FAM174A: variants seen among roughly 807,000 people sequenced by gnomAD.
FAM174A encodes membrane protein FAM174A.
In FAM174A, 14 loss-of-function variants were observed where a neutral mutation model predicts 14.3. The ratio of observed to expected loss-of-function variants is 0.98; its 90% CI spans 0.65 to 1.53. FAM174A has a LOEUF of 1.53. Among genes scored for constraint, FAM174A ranks in the 40% most tolerant of loss-of-function variants. The pLI is 0.00. For synonymous variants in FAM174A, 108 were observed against 111.4 expected, an observed-to-expected ratio of 0.97 and a Z score of 0.19; for missense variants, 241 against 249.6, an observed-to-expected ratio of 0.97 and a Z score of 0.23.
intron 2 of FAM174A, among the ~76,000 whole-genome samples, chr5:100,568,381 G>A (rs895045335): frequency 1.3e-5 from 2 of 151,728 alleles, no homozygotes; most frequent in African/African-American, 4.8e-5. Flanking sequence ...TCTTTGAATG[G>A]GCACTAGGTA....
chr5:100,583,814 T>C (rs1010500499), intron 2 of FAM174A, among the ~76,000 whole-genome samples: 3 of 152,210 alleles, frequency 2.0e-5, no homozygotes, highest in Non-Finnish European at 4.4e-5. Context: ...TTCAATGGTA[T>C]ATTCCTTCTA....
chr5:100,559,455 T>C (rs947613914), intron 1 of FAM174A, among the ~76,000 whole-genome samples: 2 of 152,094 alleles, frequency 1.3e-5, no homozygotes, highest in Non-Finnish European at 2.9e-5. Flanking sequence ...TGTGGCGTTC[T>C]CTGTATTTCC....
chr5:100,559,361 G>A (rs1407580998), intron 1 of FAM174A, among the ~76,000 whole-genome samples: 1 of 152,128 alleles, frequency 6.6e-6, no homozygotes, highest in East Asian at 1.9e-4. Context: ...TTCTCTGGCT[G>A]TGCTTAACAT....
intron 2 of FAM174A, among the ~76,000 whole-genome samples, chr5:100,584,696 TAAA>T (rs1214978207): frequency 6.6e-6 from 1 of 152,158 alleles, no homozygotes; most frequent in African/African-American, 2.4e-5. Flanking sequence ...CAATATGAGA[TAAA>T]AAAGTTATTT....
chr5:100,582,734 C>T (rs930650501), intron 2 of FAM174A, among the ~76,000 whole-genome samples: 2 of 151,862 alleles, frequency 1.3e-5, no homozygotes, highest in African/African-American at 2.4e-5. Flanking sequence ...TTTTTGTTAC[C>T]GTATTATAAA....
At chr5:100,575,022 T>G (rs190326) in intron 2 of FAM174A, among the ~76,000 whole-genome samples, 1 of 151,932 alleles carries the variant, frequency 6.6e-6, no homozygotes, top group Admixed American at 6.6e-5. Context: ...CAAATGACTT[T>G]GTCTGCAATA....
intron 2 of FAM174A, among the ~76,000 whole-genome samples, chr5:100,585,792 T>C (rs1239297496): frequency 6.6e-6 from 1 of 152,180 alleles, no homozygotes; most frequent in Non-Finnish European, 1.5e-5. Context: ...CTTTAGAATA[T>C]ATTTATTGAA....
intron 1 of FAM174A, among the ~76,000 whole-genome samples, chr5:100,540,998 G>A (rs1746038479): frequency 6.6e-6 from 1 of 152,168 alleles, no homozygotes; most frequent in African/African-American, 2.4e-5. Context: ...CACATCAATA[G>A]CCATTTGCTT....
chr5:100,558,708 C>A (rs1221441922), intron 1 of FAM174A, among the ~76,000 whole-genome samples: 2 of 152,008 alleles, frequency 1.3e-5, no homozygotes, highest in South Asian at 2.1e-4. Flanking sequence ...TTCTTTGTCT[C>A]TTTTGATCTT....
intron 1 of FAM174A, among the ~76,000 whole-genome samples, chr5:100,561,259 G>A (rs1746516422): frequency 6.6e-6 from 1 of 152,082 alleles, no homozygotes; most frequent in African/African-American, 2.4e-5. Flanking sequence ...CTCTAAGCCA[G>A]TGGTTCTCAA....
intron 1 of FAM174A, among the ~76,000 whole-genome samples, chr5:100,552,176 C>G (rs1025285382): frequency 3.9e-5 from 6 of 152,020 alleles, no homozygotes; most frequent in African/African-American, 9.7e-5. Flanking sequence ...GGTTGGACTT[C>G]CTGATGAAAA....
At position 100,586,174 on chromosome 5, in the gene FAM174A, C is replaced by A; in HGVS notation, c.570-7C>A. 1.5e-6 allele frequency: 2 copies of A among 1,375,118 alleles called. No individual in the cohort carries two copies. The highest frequency in any genetic ancestry group is 1.9e-4 in the Middle Eastern group (1 of 5,354). The allele number at this position is 1,375,118 out of a possible 1,614,324, so 85.2% of individuals were successfully genotyped here. A position where few individuals can be genotyped will look rare whatever the true frequency, so the allele number is the denominator to read the frequency against. On this transcript the variant is annotated splice_region_variant and splice_polypyrimidine_tract_variant and intron_variant, in intron 2 of 2. Transcript: ENST00000312637. ...ATATTTATGGTATTTTTTTCTTTTTCTTGCAGATAAGAATGTGCCTTTTGA... is the reference window on the plus strand; with the variant it reads ...ATATTTATGGTATTTTTTTCTTTTTATTGCAGATAAGAATGTGCCTTTTGA...
chr5:100,554,661 T>C (rs1305457366), intron 1 of FAM174A, among the ~76,000 whole-genome samples: 1 of 152,168 alleles, frequency 6.6e-6, no homozygotes, highest in Non-Finnish European at 1.5e-5. Flanking sequence ...TTTCTTTTCT[T>C]TGTTTGCTAA....
At position 100,586,666 on chromosome 5, in the gene FAM174A, T is replaced by A. The variant is rs1215853219; in HGVS notation, c.*482T>A. On this transcript the variant is annotated 3_prime_UTR_variant, in exon 3 of 3. Coordinates refer to ENST00000312637, the MANE Select transcript of FAM174A (RefSeq NM_198507.3). ...AGAAGCCAAATTTATTACTTTGTGT[T>A]GGGGTTTTTAAAATATTAAGAAATG... 1.3e-5 allele frequency: 2 copies of A among 152,168 alleles called. No homozygotes were observed. Among genetic ancestry groups the A allele is most frequent in the African/African-American group, 2.4e-5 (1 of 41,444 alleles). The allele number at this position is 152,168 out of a possible 1,614,324, so 9.4% of individuals were successfully genotyped here.
At chr5:100,552,835 C>T (rs1193595679) in intron 1 of FAM174A, among the ~76,000 whole-genome samples, 2 of 152,038 alleles carry the variant, frequency 1.3e-5, no homozygotes, top group African/African-American at 2.4e-5. Flanking sequence ...TAGAAAGCAT[C>T]TGACCAGGAT....
chr5:100,558,910 T>C (rs1228734386), intron 1 of FAM174A, among the ~76,000 whole-genome samples: 1 of 152,188 alleles, frequency 6.6e-6, no homozygotes, highest in Non-Finnish European at 1.5e-5. Context: ...GTCTGTGTCT[T>C]TTAATTGGAG....
At chr5:100,569,139 G>A (rs1006226214) in intron 2 of FAM174A, among the ~76,000 whole-genome samples, 1 of 151,386 alleles carries the variant, frequency 6.6e-6, no homozygotes, top group African/African-American at 2.4e-5. Context: ...CTTCCCTATA[G>A]TTTTTTTGGT....
At chr5:100,584,154 C>T (rs1747074379) in intron 2 of FAM174A, among the ~76,000 whole-genome samples, 1 of 152,210 alleles carries the variant, frequency 6.6e-6, no homozygotes, top group Non-Finnish European at 1.5e-5. Flanking sequence ...TCTTCTTGTA[C>T]AACTAAAAGA....
At chr5:100,574,565 A>T (rs1254490542) in intron 2 of FAM174A, among the ~76,000 whole-genome samples, 1 of 152,162 alleles carries the variant, frequency 6.6e-6, no homozygotes, top group African/African-American at 2.4e-5. Flanking sequence ...ATTTGAAGTT[A>T]CTAAGTCCTA....
Sources: allele counts gnomAD v4.1 joint callset (sites outside exome capture counted in the v4.1 genomes callset), GRCh38; gene constraint gnomAD v4.1.1; transcripts MANE v1.5; gene names NCBI Gene and HGNC (gene_info 2026-07-23, HGNC 2026-07-21).